GLI2: variants seen among roughly 807,000 people sequenced by gnomAD.
GLI2 encodes the protein GLI family zinc finger 2, also known as transcription activator GLI2.
Under a neutral mutation model 78.9 loss-of-function variants are expected in GLI2, and 22 were observed. That is an observed-to-expected ratio of 0.28 (90% CI 0.20 to 0.40). GLI2 has a LOEUF of 0.40. Ranked by LOEUF, GLI2 falls within the 10% of genes least tolerant of loss-of-function variation. The pLI, the probability that GLI2 is intolerant of heterozygous loss-of-function variation, is 1.00. For missense variants in GLI2, 2,097 were observed against 2,213.2 expected (o/e 0.95, Z 1.05); for synonymous variants, 974 against 963.7 (o/e 1.01, Z -0.20).
At chr2:120,898,394 G>A (rs773238285) in intron 2 of GLI2, among the ~76,000 whole-genome samples, 4 of 152,168 alleles carry the variant, frequency 2.6e-5, no homozygotes, top group Admixed American at 2.0e-4. Flanking sequence ...CTCGCAGAAG[G>A]AAATGCAAAT....
chr2:120,756,639 A>G (rs1401695110), intron 1 of GLI2, among the ~76,000 whole-genome samples: 4 of 152,196 alleles, frequency 2.6e-5, no homozygotes, highest in African/African-American at 9.6e-5. Flanking sequence ...TCAACTGTTA[A>G]AACAGTTCTT....
chr2:120,859,853 C>T (rs1687827272), intron 2 of GLI2, among the ~76,000 whole-genome samples: 1 of 151,902 alleles, frequency 6.6e-6, no homozygotes, highest in Non-Finnish European at 1.5e-5. Flanking sequence ...GCCTCCTGGC[C>T]TCTTGGCCAG....
At chr2:120,893,449 T>G (rs1677779405) in intron 2 of GLI2, among the ~76,000 whole-genome samples, 1 of 152,128 alleles carries the variant, frequency 6.6e-6, no homozygotes. Flanking sequence ...AAGGATCTTC[T>G]GAGAACGGAC....
At position 120,988,217 on chromosome 2, in the gene GLI2, T is replaced by C. The variant is rs973224338; in HGVS notation, c.2252T>C (p.Leu751Pro). 7 of 1,590,658 alleles carry C rather than the reference T, an allele frequency of 4.4e-6. No individual in the cohort carries two copies. Among genetic ancestry groups the C allele is most frequent in the Non-Finnish European group, 6.0e-6 (7 of 1,171,638 alleles). Reference protein sequence around the residue: ...LPPLPGSGSILENFSGSGGGG... With the variant: ...LPPLPGSGSIPENFSGSGGGG... ...CTCTGCTCTCCCGCAGGCTCCATCC[T>C]GGAAAACTTCAGTGGCAGTGGGGGC... Residue 751 changes from leucine to proline, a missense_variant, in exon 14 of 14, where the codon CTG becomes CCG. Leu to Pro is a moderately conservative substitution (Grantham distance 98). Around this residue, in one of 5 missense-constraint regions of GLI2, gnomAD observed 1,290 missense variants for 1,261.7 expected, o/e 1.02. Transcript: ENST00000361492.
intron 2 of GLI2, among the ~76,000 whole-genome samples, chr2:120,890,473 A>G (rs1677626107): frequency 6.6e-6 from 1 of 152,154 alleles, no homozygotes; most frequent in Non-Finnish European, 1.5e-5. Context: ...ACATAAAACT[A>G]AATGCATACA....
intron 8 of GLI2, among the ~76,000 whole-genome samples, chr2:120,973,589 G>A (rs775860654): frequency 6.6e-5 from 10 of 152,230 alleles, no homozygotes; most frequent in Non-Finnish European, 8.8e-5. Flanking sequence ...AGTGGAGAGG[G>A]TGATGGGAGG....
intron 9 of GLI2, among the ~76,000 whole-genome samples, chr2:120,977,259 T>G (rs1464643483): frequency 6.6e-6 from 1 of 152,222 alleles, no homozygotes; most frequent in Non-Finnish European, 1.5e-5. Flanking sequence ...ATCCATGTAA[T>G]TTACATTTCC....
chr2:120,759,239 C>T (rs981133853), intron 1 of GLI2, among the ~76,000 whole-genome samples: 1 of 152,164 alleles, frequency 6.6e-6, no homozygotes, highest in African/African-American at 2.4e-5. Context: ...GCCGTGAATA[C>T]CAGCTAGGTG....
intron 2 of GLI2, among the ~76,000 whole-genome samples, chr2:120,907,858 T>C (rs1678620404): frequency 6.6e-6 from 1 of 152,198 alleles, no homozygotes; most frequent in African/African-American, 2.4e-5. Flanking sequence ...TTGCAGCAGC[T>C]TTTGTCATTG....
rs1187602632 is a variant in GLI2 at position 120,988,980 on chromosome 2, C to T, written c.3015C>T (p.Gly1005=). The T allele has an allele frequency of 3.2e-6, 5 of 1,569,270 alleles. No homozygotes were observed. Among genetic ancestry groups the T allele is most frequent in the African/African-American group, 1.3e-5 (1 of 74,304 alleles). Residue 1005 remains glycine (G), a synonymous_variant, in exon 14 of 14, where the codon GGC becomes GGT. Transcript: ENST00000361492. ...GCACCGACGGCGGCCTGGCCCGCGG[C>T]GCCTACTCGCCCCGGCCGCCTAGCA... ...HPSTDGGLAR[G]AYSPRPPSIS...
intron 2 of GLI2, among the ~76,000 whole-genome samples, chr2:120,802,185 C>T (rs1399694005): frequency 3.3e-5 from 5 of 152,156 alleles, no homozygotes; most frequent in Admixed American, 1.3e-4. Context: ...TCCATGAGGT[C>T]GGACCTGTTG....
intron 2 of GLI2, among the ~76,000 whole-genome samples, chr2:120,813,540 T>A (rs942663397): frequency 1.3e-5 from 2 of 152,202 alleles, no homozygotes; most frequent in African/African-American, 4.8e-5. Flanking sequence ...GTGCAAGGAC[T>A]TTGCAGCTGC....
intron 1 of GLI2, among the ~76,000 whole-genome samples, chr2:120,739,504 A>T (rs1394834470): frequency 6.6e-6 from 1 of 152,094 alleles, no homozygotes; most frequent in African/African-American, 2.4e-5. Context: ...GCTTCCTTTC[A>T]TCTGCATGGC....
At chr2:120,781,961 T>C (rs1343234877) in intron 1 of GLI2, among the ~76,000 whole-genome samples, 1 of 152,210 alleles carries the variant, frequency 6.6e-6, no homozygotes, top group Non-Finnish European at 1.5e-5. Context: ...TTTTCTTATA[T>C]ACTGTCTCCC....
chr2:120,955,773 G>A (rs1221940825), intron 5 of GLI2, among the ~76,000 whole-genome samples: 2 of 152,130 alleles, frequency 1.3e-5, no homozygotes, highest in Non-Finnish European at 2.9e-5. Context: ...CGGGGGGAGC[G>A]AGCACTGGGT....
chr2:120,834,145 G>A (rs1686495852), intron 2 of GLI2, among the ~76,000 whole-genome samples: 1 of 152,204 alleles, frequency 6.6e-6, no homozygotes, highest in Admixed American at 6.5e-5. Context: ...TTCAGGTATG[G>A]TGAGGCCAGT....
intron 2 of GLI2, among the ~76,000 whole-genome samples, chr2:120,916,437 G>A (rs1187515791): frequency 6.6e-6 from 1 of 152,246 alleles, no homozygotes; most frequent in East Asian, 1.9e-4. Flanking sequence ...GCTCTGCCAG[G>A]TCTGGCCTCT....
At chr2:120,803,425 C>T (rs573120538) in intron 2 of GLI2, among the ~76,000 whole-genome samples, 73 of 152,130 alleles carry the variant, frequency 4.8e-4, no homozygotes, top group Middle Eastern at 3.4e-3. Flanking sequence ...GCTATTCTTC[C>T]TACCAGTTTT....
chr2:120,750,926 C>T lies in GLI2; in HGVS notation c.-31+14641C>T, dbSNP rs551500352. 5.9e-5 allele frequency among the ~76,000 whole-genome samples: 9 copies of T among 152,364 alleles called. No individual in the cohort carries two copies. The South Asian group carries it at 6.2e-4, about 11-fold the overall frequency. Reference sequence around the variant, plus strand: ...TGCACTGGGCCCCAGGGGGATGCCCCGGTACCGCCTGCCTCTACCTTGCTC... The same window carrying T: ...TGCACTGGGCCCCAGGGGGATGCCCTGGTACCGCCTGCCTCTACCTTGCTC... On this transcript the variant is annotated intron_variant, in intron 1 of 13. Coordinates refer to ENST00000361492, the MANE Select transcript of GLI2 (RefSeq NM_001374353.1).
Sources: allele counts gnomAD v4.1 joint callset (sites outside exome capture counted in the v4.1 genomes callset), GRCh38; gene constraint gnomAD v4.1.1; regional missense constraint gnomAD v4.1.1; transcripts MANE v1.5; gene names NCBI Gene and HGNC (gene_info 2026-07-23, HGNC 2026-07-21).